SCAPER: variants seen among roughly 807,000 people sequenced by gnomAD.
The protein encoded by SCAPER is S-phase cyclin A associated protein in the ER, also known as S phase cyclin A-associated protein in the endoplasmic reticulum.
SCAPER carries 98 observed loss-of-function variants against 182.2 expected under a neutral mutation model. The observed-to-expected ratio is 0.54, with a 90% CI of 0.46 to 0.64. The LOEUF is 0.64. SCAPER is among the 30% of genes least tolerant of loss of function. The pLI is 0.00. For missense variants in SCAPER, 1,432 were observed against 1,690.0 expected, an observed-to-expected ratio of 0.85 and a Z score of 2.68; for synonymous variants, 605 against 564.6, an observed-to-expected ratio of 1.07 and a Z score of -1.01.
chr15:76,513,906 C>A (rs900264176), intron 23 of SCAPER, among the ~76,000 whole-genome samples: 2 of 152,182 alleles, frequency 1.3e-5, no homozygotes, highest in East Asian at 3.8e-4. Context: ...CAGATCCCCT[C>A]AACTAAAATC....
chr15:76,857,654 T>A (rs187814234), intron 4 of SCAPER, among the ~76,000 whole-genome samples, 155 bp downstream of exon 4: 4 of 152,310 alleles, frequency 2.6e-5, no homozygotes, highest in Admixed American at 2.0e-4. Context: ...TAAGTCACAC[T>A]GATTACCATA....
At chr15:76,778,416 T>C (rs1034965043) in intron 8 of SCAPER, among the ~76,000 whole-genome samples, 5 of 152,100 alleles carry the variant, frequency 3.3e-5, no homozygotes, top group Non-Finnish European at 5.9e-5. Flanking sequence ...CAAATCAATA[T>C]TGTTTAAAAT....
chr15:76,352,698 C>A (rs955632370), intron 30 of SCAPER, among the ~76,000 whole-genome samples: 1 of 151,934 alleles, frequency 6.6e-6, no homozygotes, highest in Non-Finnish European at 1.5e-5. Context: ...GATCTGCTCA[C>A]CCCGGCCTCC....
intron 23 of SCAPER, among the ~76,000 whole-genome samples, chr15:76,512,979 C>T (rs2042161779): frequency 6.6e-6 from 1 of 152,112 alleles, no homozygotes; most frequent in African/African-American, 2.4e-5. Flanking sequence ...ATTAGAGATG[C>T]AACAAGCCAC....
At chr15:76,364,241 C>G (rs568970797) in intron 29 of SCAPER, among the ~76,000 whole-genome samples, 1 of 152,142 alleles carries the variant, frequency 6.6e-6, no homozygotes, top group African/African-American at 2.4e-5. Flanking sequence ...AGATTAAGTA[C>G]AGCAGCCTTG....
At chr15:76,855,387 C>T (rs766487902) in intron 4 of SCAPER, among the ~76,000 whole-genome samples, 2 of 146,846 alleles carry the variant, frequency 1.4e-5, no homozygotes, top group Non-Finnish European at 3.0e-5. Context: ...GACAAAGACA[C>T]CAAAAGCAAT....
intron 21 of SCAPER, among the ~76,000 whole-genome samples, chr15:76,657,148 T>C (rs745417111): frequency 2.6e-5 from 4 of 151,962 alleles, no homozygotes; most frequent in Non-Finnish European, 5.9e-5. Context: ...GATAGACCAC[T>C]AGCTAGACTA....
chr15:76,700,513 G>T (rs1009113280), intron 20 of SCAPER, among the ~76,000 whole-genome samples: 1 of 152,148 alleles, frequency 6.6e-6, no homozygotes, highest in Non-Finnish European at 1.5e-5. Context: ...AACATTCCCT[G>T]CTTTCTCTTG....
At chr15:76,577,036 G>A (rs924145647) in intron 22 of SCAPER, 1 of 152,230 alleles carries the variant, frequency 6.6e-6, no homozygotes, top group Non-Finnish European at 1.5e-5. Flanking sequence ...TGTGACCTAT[G>A]AGACCAGCCA....
chr15:76,467,483 G>A (rs976296959), intron 25 of SCAPER, among the ~76,000 whole-genome samples: 1 of 150,256 alleles, frequency 6.7e-6, no homozygotes, highest in East Asian at 2.0e-4. Context: ...CTCTGTTGCT[G>A]AGACTGCAGT....
intron 21 of SCAPER, among the ~76,000 whole-genome samples, chr15:76,649,213 C>A (rs998159779): frequency 1.3e-5 from 2 of 152,178 alleles, no homozygotes; most frequent in Admixed American, 1.3e-4. Flanking sequence ...AGGCAACAAG[C>A]CTCGAGTATT....
chr15:76,510,288 C>T (rs2041917301), intron 23 of SCAPER, among the ~76,000 whole-genome samples: 2 of 152,088 alleles, frequency 1.3e-5, no homozygotes, highest in Middle Eastern at 3.2e-3. Context: ...AATAAACAGA[C>T]AACTCACAGA....
chr15:76,567,307 C>T (rs1290715092), intron 23 of SCAPER: 1 of 452,554 alleles, frequency 2.2e-6, no homozygotes, highest in African/African-American at 2.0e-5. Context: ...GATTCTTGCA[C>T]TATTTTCCAT....
intron 22 of SCAPER, among the ~76,000 whole-genome samples, chr15:76,591,448 A>G (rs1322129900): frequency 6.6e-6 from 1 of 152,224 alleles, no homozygotes; most frequent in Non-Finnish European, 1.5e-5. Flanking sequence ...AATATATTAC[A>G]GAATATTCTT....
chr15:76,895,714 C>T (rs2074393008), intron 1 of SCAPER, among the ~76,000 whole-genome samples: 1 of 152,034 alleles, frequency 6.6e-6, no homozygotes, highest in Non-Finnish European at 1.5e-5. Context: ...CTTTTCTATA[C>T]ACTAACAATG....
chr15:76,645,581 A>C (rs983657683), intron 21 of SCAPER, among the ~76,000 whole-genome samples: 3 of 151,870 alleles, frequency 2.0e-5, no homozygotes, highest in Admixed American at 6.6e-5. Flanking sequence ...CATTATTATA[A>C]ACAGTCTTTC....
At chr15:76,829,969 G>A (rs189527993) in intron 5 of SCAPER, among the ~76,000 whole-genome samples, 7 of 152,246 alleles carry the variant, frequency 4.6e-5, no homozygotes, top group South Asian at 2.1e-4. Context: ...CCAAAGAGAA[G>A]CATATACACT....
At chr15:76,886,148 T>C (rs1449357345) in intron 1 of SCAPER, among the ~76,000 whole-genome samples, 1 of 152,166 alleles carries the variant, frequency 6.6e-6, no homozygotes, top group Non-Finnish European at 1.5e-5. Context: ...TTTATATAAA[T>C]TTTTTAAAAG....
At chr15:76,798,926 C>G (rs996231312) in intron 7 of SCAPER, among the ~76,000 whole-genome samples, 5 of 151,656 alleles carry the variant, frequency 3.3e-5, no homozygotes, top group Non-Finnish European at 5.9e-5. Flanking sequence ...GATAGTAACT[C>G]GAATCTGTAT....
Sources: allele counts gnomAD v4.1 joint callset (sites outside exome capture counted in the v4.1 genomes callset), GRCh38; gene constraint gnomAD v4.1.1; transcripts MANE v1.5; gene names NCBI Gene and HGNC (gene_info 2026-07-23, HGNC 2026-07-21).